Variants in SPECC1 observed in about 807,000 individuals in gnomAD.
The protein encoded by SPECC1 is sperm antigen with calponin homology and coiled-coil domains 1.
SPECC1 carries 62 observed loss-of-function variants against 104.1 expected under a neutral mutation model. That is an observed-to-expected ratio of 0.60 (90% CI 0.49 to 0.74). SPECC1 has a LOEUF of 0.74. Among genes scored for constraint, SPECC1 ranks in the 30% least tolerant of loss-of-function variants. The pLI is 0.00. For synonymous variants in SPECC1, 513 were observed against 501.6 expected (o/e 1.02, Z -0.30); for missense variants, 1,306 against 1,310.5 (o/e 1.00, Z 0.05).
intron 2 of SPECC1, among the ~76,000 whole-genome samples, chr17:20,109,762 T>C (rs2048390443): frequency 6.6e-6 from 1 of 152,228 alleles, no homozygotes. Flanking sequence ...GGAATTTCTT[T>C]TGCATTGCCC....
At chr17:20,156,660 A>C (rs1168620125) in intron 3 of SPECC1, among the ~76,000 whole-genome samples, 2 of 151,492 alleles carry the variant, frequency 1.3e-5, no homozygotes, top group Non-Finnish European at 2.9e-5. Context: ...TGCCCCTCAC[A>C]CTCACGCCAG....
chr17:20,235,911 G>C (rs1485677260), intron 7 of SPECC1, among the ~76,000 whole-genome samples: 4 of 152,216 alleles, frequency 2.6e-5, no homozygotes. Context: ...AGCACGTGCA[G>C]ACTCCACTGG....
intron 3 of SPECC1, among the ~76,000 whole-genome samples, chr17:20,139,692 G>C (rs1400594349): frequency 6.6e-6 from 1 of 151,650 alleles, no homozygotes; most frequent in African/African-American, 2.4e-5. Flanking sequence ...TTTATTTTTT[G>C]AGACGAAATC....
intron 3 of SPECC1, among the ~76,000 whole-genome samples, chr17:20,131,302 C>T (rs188884259): frequency 3.9e-5 from 6 of 152,028 alleles, no homozygotes; most frequent in African/African-American, 1.5e-4. Flanking sequence ...AGTGATTCTC[C>T]TGCCTTAGCC....
chr17:20,159,108 C>A (rs1380859140), intron 3 of SPECC1, among the ~76,000 whole-genome samples: 1 of 152,072 alleles, frequency 6.6e-6, no homozygotes, highest in African/African-American at 2.4e-5. Context: ...CTATGCCCGC[C>A]TAATTTTTGT....
At chr17:20,236,998 G>GT (rs3214214) in intron 7 of SPECC1, 660,728 of 1,581,250 alleles carry the variant, frequency 0.42, 144,896 homozygotes, top group East Asian at 0.77. Flanking sequence ...AAAGAGCCCA[G>GT]TTGTCTCCTT....
intron 1 of SPECC1, among the ~76,000 whole-genome samples, chr17:20,014,707 AT>A (rs1323776717): frequency 2.6e-5 from 4 of 151,208 alleles, no homozygotes; most frequent in Non-Finnish European, 5.9e-5. Context: ...AAGCTTTACA[AT>A]TTTTTTTCTT....
intron 1 of SPECC1, among the ~76,000 whole-genome samples, chr17:20,090,863 C>T (rs2047374328): frequency 6.6e-6 from 1 of 152,118 alleles, no homozygotes; most frequent in Non-Finnish European, 1.5e-5. Context: ...GGACTTGCCT[C>T]GGCCTCTGTT....
rs1413315790 is a variant in SPECC1, at chr17:20,318,318, A to G, written c.*4253A>G. The G allele has an allele frequency of 4.3e-6, 1 of 232,232 alleles. No individual in the cohort carries two copies. Among genetic ancestry groups the G allele is most frequent in the Admixed American group, 5.6e-5 (1 of 17,752 alleles). 14.4% of individuals were successfully genotyped at this position (232,232 alleles called of 1,614,324 possible). On this transcript the variant is annotated 3_prime_UTR_variant, in exon 15 of 15. Transcript: ENST00000395527. ...CCCGCCCTGCGGGGATAACATTCTC[A>G]GGAGCTTCTCTTGTCCTAGCCCCTT...
intron 3 of SPECC1, among the ~76,000 whole-genome samples, chr17:20,191,320 G>C (rs527863093): frequency 6.6e-6 from 1 of 152,244 alleles, no homozygotes; most frequent in Non-Finnish European, 1.5e-5. Context: ...TTCCAACGTG[G>C]CTGAATTATT....
intron 3 of SPECC1, among the ~76,000 whole-genome samples, chr17:20,173,653 C>T (rs745692456): frequency 6.7e-6 from 1 of 150,242 alleles, no homozygotes. Flanking sequence ...CAGGATTAGA[C>T]CTCAACCGTG....
At chr17:20,099,890 G>A (rs897849950) in intron 2 of SPECC1, among the ~76,000 whole-genome samples, 13 of 151,980 alleles carry the variant, frequency 8.6e-5, no homozygotes, top group African/African-American at 2.9e-4. Flanking sequence ...ATCCTTGGGG[G>A]ATTGGTTCCA....
intron 1 of SPECC1, among the ~76,000 whole-genome samples, chr17:20,054,688 G>A (rs1403977538): frequency 1.3e-5 from 2 of 151,652 alleles, no homozygotes; most frequent in Non-Finnish European, 2.9e-5. Context: ...TTTTGGGGGG[G>A]GTGGTGTCTT....
chr17:20,258,075 G>A (rs1221351930), intron 11 of SPECC1, among the ~76,000 whole-genome samples: 1 of 152,208 alleles, frequency 6.6e-6, no homozygotes, highest in Non-Finnish European at 1.5e-5. Context: ...TCCATCTGGA[G>A]GGCATATTGT....
intron 4 of SPECC1, among the ~76,000 whole-genome samples, chr17:20,213,342 C>T (rs1018664627): frequency 1.3e-5 from 2 of 152,128 alleles, no homozygotes; most frequent in African/African-American, 4.8e-5. Context: ...CCTCCCACAC[C>T]TCAGTGCCTC....
At position 20,232,245 on chromosome 17, in the gene SPECC1, G is replaced by T; in HGVS notation, c.2191G>T (p.Ala731Ser). The change falls in exon 7 of 15, where the codon GCA (alanine) becomes TCA (serine). Residue 731 changes from alanine (A) to serine (S), a missense_variant. This residue lies in a region of SPECC1 where 1,177 missense variants were observed against 1,139.9 expected (regional missense o/e 1.03). Transcript: ENST00000395527. Reference sequence around the variant, plus strand: ...GCGGTTCCAGGCGGATCTGCAGACCGCAGTGGTGGTGGCCAATGACATCAA... The same window carrying T: ...GCGGTTCCAGGCGGATCTGCAGACCTCAGTGGTGGTGGCCAATGACATCAA... Reference protein sequence around the residue: ...WRRFQADLQTAVVVANDIKCE... With the variant: ...WRRFQADLQTSVVVANDIKCE... 3 of 1,614,202 alleles carry T rather than the reference G, an allele frequency of 1.9e-6. No individual in the cohort carries two copies. Among genetic ancestry groups the T allele is most frequent in the Non-Finnish European group, 2.5e-6 (3 of 1,180,048 alleles).
intron 3 of SPECC1, among the ~76,000 whole-genome samples, chr17:20,145,074 A>T (rs925871273): frequency 6.6e-6 from 1 of 152,328 alleles, no homozygotes; most frequent in Admixed American, 6.5e-5. Context: ...TAAAGAAACT[A>T]TTTGTTTTCT....
intron 1 of SPECC1, among the ~76,000 whole-genome samples, chr17:20,095,003 T>C (rs2047577274): frequency 6.6e-6 from 1 of 152,252 alleles, no homozygotes; most frequent in Non-Finnish European, 1.5e-5. Flanking sequence ...GACTGACAGG[T>C]TGCTGGTTGA....
chr17:20,134,565 C>T (rs2049826621), intron 3 of SPECC1, among the ~76,000 whole-genome samples: 1 of 152,144 alleles, frequency 6.6e-6, no homozygotes, highest in Non-Finnish European at 1.5e-5. Context: ...TATCAGAAAG[C>T]AAGATTTCCT....
Sources: allele counts gnomAD v4.1 joint callset (sites outside exome capture counted in the v4.1 genomes callset), GRCh38; gene constraint gnomAD v4.1.1; regional missense constraint gnomAD v4.1.1; transcripts MANE v1.5; gene names NCBI Gene and HGNC (gene_info 2026-07-23, HGNC 2026-07-21).